INPP4A: variants seen among roughly 807,000 people sequenced by gnomAD.
The protein encoded by INPP4A is inositol polyphosphate-4-phosphatase, type I, 107kD.
In INPP4A, 33 loss-of-function variants were observed where a neutral mutation model predicts 119.8. That is an observed-to-expected ratio of 0.28 (90% confidence interval 0.21 to 0.37). The LOEUF is 0.37. Among genes scored for constraint, INPP4A ranks in the 10% least tolerant of loss-of-function variants. INPP4A has a pLI of 1.00. For synonymous variants in INPP4A, 496 were observed against 500.7 expected (o/e 0.99, Z 0.12); for missense variants, 956 against 1,289.9 (o/e 0.74, Z 3.97).
chr2:98,470,153 T>C lies in INPP4A; in HGVS notation c.-166+25068T>C, dbSNP rs114733171. On this transcript the variant is annotated intron_variant, in intron 1 of 24. Transcript: ENST00000409851. ...TGGCTGGAGAAGAACACATGACATG[T>C]TGATGAGTCTGTAAATTCATGACCA... is the stretch of plus-strand genomic sequence containing the variant. Among the ~76,000 whole-genome samples the C allele has an allele frequency of 4.0e-3, 609 of 152,344 alleles. 5 individuals are homozygous for C. The highest frequency in any genetic ancestry group is 0.014 in the African/African-American group (577 of 41,572).
In INPP4A at chr2:98,520,170, C is replaced by G; in HGVS notation, c.106+16C>G. 6.5e-7 allele frequency: 1 copy of G among 1,544,234 alleles called. No individual in the cohort carries two copies. The highest frequency in any genetic ancestry group is 8.8e-7 in the Non-Finnish European group (1 of 1,139,874). ...TCTCTGGCAGGTGAGCCTCACAGGGCCTGCACCGGGCTCCAGGTATGAGCT... is the reference window on the plus strand; with the variant it reads ...TCTCTGGCAGGTGAGCCTCACAGGGGCTGCACCGGGCTCCAGGTATGAGCT... On this transcript the variant is annotated intron_variant, in intron 3 of 24. Transcript: ENST00000409851.
intron 23 of INPP4A, among the ~76,000 whole-genome samples, chr2:98,575,532 A>AT (rs1257814182): frequency 6.0e-5 from 9 of 151,256 alleles, no homozygotes; most frequent in African/African-American, 1.9e-4. Flanking sequence ...AGGGCCTGTT[A>AT]TTTTTTTTTC....
chr2:98,527,166 G>C (rs1688337816), intron 4 of INPP4A, among the ~76,000 whole-genome samples: 2 of 152,190 alleles, frequency 1.3e-5, no homozygotes, highest in South Asian at 4.1e-4. Context: ...CAACATCTTT[G>C]ATGTTATAGT....
intron 13 of INPP4A, among the ~76,000 whole-genome samples, chr2:98,548,141 G>A (rs1435156276): frequency 6.6e-6 from 1 of 152,198 alleles, no homozygotes; most frequent in Non-Finnish European, 1.5e-5. Flanking sequence ...GAACGGAAGA[G>A]CGTACCCTGT....
Position 98,533,474 on chromosome 2 carries a change from T to C in INPP4A, c.249T>C (p.His83=). Residue 83 remains histidine, a synonymous_variant, in exon 5 of 25, where the codon CAT becomes CAC. Transcript: ENST00000409851. ...TTPPQAFWTK[H]AQTEIIEGTN... ...CTCCTCAGGCATTCTGGACGAAGCA[T>C]GCACAGACGGAGATCATTGAGGTGG... 2 of 1,612,314 alleles carry C rather than the reference T, an allele frequency of 1.2e-6. No homozygotes were observed. Among genetic ancestry groups the C allele is most frequent in the South Asian group, 2.2e-5 (2 of 91,036 alleles).
chr2:98,527,027 C>T (rs1233330151), intron 4 of INPP4A, among the ~76,000 whole-genome samples: 1 of 152,162 alleles, frequency 6.6e-6, no homozygotes, highest in African/African-American at 2.4e-5. Flanking sequence ...TGGGGATTAC[C>T]TTTCAGCATG....
Position 98,584,863 on chromosome 2 carries a change from C to T in INPP4A, c.2787-2613C>T, listed in dbSNP as rs76552576. Among the ~76,000 whole-genome samples the T allele has an allele frequency of 6.8e-4, 104 of 152,234 alleles. 2 individuals carry two copies. The East Asian group carries it at 0.01, about 15-fold the overall frequency. ...AAGGCCTTTTACTCATGAAATCAGG[C>T]CAAATACGTATGCAAAATCTTACTT... is the stretch of plus-strand genomic sequence containing the variant. On this transcript the variant is annotated intron_variant, in intron 24 of 24. Transcript: ENST00000409851.
At position 98,592,391 on chromosome 2, in the gene INPP4A, T is replaced by A. The variant is rs1700443693; in HGVS notation, c.*4783T>A. The A allele has an allele frequency of 6.6e-6, 1 of 152,224 alleles. No individual in the cohort carries two copies. The highest frequency in any genetic ancestry group is 1.5e-5 in the Non-Finnish European group (1 of 68,070). 9.4% of individuals were successfully genotyped at this position (152,224 alleles called of 1,614,324 possible). On this transcript the variant is annotated 3_prime_UTR_variant, in exon 25 of 25. Transcript: ENST00000409851. ...GCAGCAGGAAACAGCTCAGGCTGCC[T>A]GACCTGGCCCCCGGCTGCCCATGAG...
Position 98,497,033 on chromosome 2 carries a change from G to C in INPP4A, c.-165-21931G>C, listed in dbSNP as rs766507563. ...TAGCAGGTCAGATATGGGGAGGAAAGAGAGGGAGTTAGGTTTCTCTGCTTC... is the reference window on the plus strand; with the variant it reads ...TAGCAGGTCAGATATGGGGAGGAAACAGAGGGAGTTAGGTTTCTCTGCTTC... On this transcript the variant is annotated intron_variant, in intron 1 of 24. Transcript: ENST00000409851. Among the ~76,000 whole-genome samples, 96 of 152,358 alleles carry C rather than the reference G, an allele frequency of 6.3e-4. No individual in the cohort carries two copies. In the Middle Eastern group the frequency reaches 0.027, roughly 43 times the overall value.
At chr2:98,536,845 C>T (rs1383251568) in intron 7 of INPP4A, among the ~76,000 whole-genome samples, 1 of 152,184 alleles carries the variant, frequency 6.6e-6, no homozygotes, top group East Asian at 1.9e-4. Context: ...TCTGAAGCTA[C>T]TATAAGTAAA....
intron 17 of INPP4A, among the ~76,000 whole-genome samples, chr2:98,563,137 C>T (rs1253827775): frequency 1.3e-5 from 2 of 152,102 alleles, no homozygotes; most frequent in Non-Finnish European, 2.9e-5. Flanking sequence ...TTTCTGGCCT[C>T]GTCATGACTT....
chr2:98,581,519 AT>A (rs1699303668), intron 24 of INPP4A: 2 of 1,438,336 alleles, frequency 1.4e-6, no homozygotes, highest in Non-Finnish European at 1.8e-6. Context: ...TTTTTTCTTT[AT>A]TTTCTTTCCT....
At chr2:98,571,084 G>A (rs1360268337) in intron 22 of INPP4A, among the ~76,000 whole-genome samples, 1 of 152,230 alleles carries the variant, frequency 6.6e-6, no homozygotes, top group Non-Finnish European at 1.5e-5. Context: ...TCAGTGCCAT[G>A]GACGTCAGAA....
chr2:98,504,173 G>A (rs941197415), intron 1 of INPP4A, among the ~76,000 whole-genome samples: 10 of 152,318 alleles, frequency 6.6e-5, no homozygotes, highest in African/African-American at 2.2e-4. Context: ...AACACGGAAC[G>A]CTGAACAACC....
Position 98,593,919 on chromosome 2 carries a change from T to G in INPP4A, c.*6311T>G, listed in dbSNP as rs1307938379. On this transcript the variant is annotated 3_prime_UTR_variant, in exon 25 of 25. Transcript: ENST00000409851. ...CTCCCCACAAATGAAGTTGGCCCTTTCAAAAAAACTTCCTCTCCTTCATTG... is the reference window on the plus strand; with the variant it reads ...CTCCCCACAAATGAAGTTGGCCCTTGCAAAAAAACTTCCTCTCCTTCATTG... The G allele has an allele frequency of 6.6e-6, 1 of 150,822 alleles. No homozygotes were observed. The highest frequency in any genetic ancestry group is 1.5e-5 in the Non-Finnish European group (1 of 67,054). 9.3% of individuals were successfully genotyped at this position (150,822 alleles called of 1,614,324 possible). A position where few individuals can be genotyped will look rare whatever the true frequency, so the allele number is the denominator to read the frequency against.
intron 24 of INPP4A, among the ~76,000 whole-genome samples, chr2:98,580,135 G>A (rs755194279): frequency 6.6e-6 from 1 of 152,228 alleles, no homozygotes; most frequent in Non-Finnish European, 1.5e-5. Flanking sequence ...CAGTTTAGCT[G>A]AGGGCCCCAG....
chr2:98,577,856 C>T (rs947734521), intron 24 of INPP4A, among the ~76,000 whole-genome samples: 3 of 152,194 alleles, frequency 2.0e-5, no homozygotes, highest in African/African-American at 7.2e-5. Flanking sequence ...AACCTGGTTT[C>T]CCGTCTCCTT....
intron 10 of INPP4A, among the ~76,000 whole-genome samples, chr2:98,541,555 T>C (rs1456158192): frequency 6.6e-6 from 1 of 152,188 alleles, no homozygotes; most frequent in Non-Finnish European, 1.5e-5. Flanking sequence ...TCCCATTACA[T>C]GGTGTATTAT....
intron 23 of INPP4A, among the ~76,000 whole-genome samples, chr2:98,575,986 C>T (rs74881675): frequency 0.011 from 1,670 of 152,258 alleles, 35 homozygotes; most frequent in African/African-American, 0.035. Flanking sequence ...TGGTGCCCAT[C>T]GCATATGTGT....
Sources: allele counts gnomAD v4.1 joint callset (sites outside exome capture counted in the v4.1 genomes callset), GRCh38; gene constraint gnomAD v4.1.1; transcripts MANE v1.5; gene names NCBI Gene and HGNC (gene_info 2026-07-23, HGNC 2026-07-21).